Variants in SGTB observed in about 807,000 individuals in gnomAD.
The protein encoded by SGTB is small glutamine rich tetratricopeptide repeat co-chaperone beta, also known as small glutamine-rich tetratricopeptide repeat-containing protein beta.
Under a neutral mutation model 43.9 loss-of-function variants are expected in SGTB, and 19 were observed. The observed-to-expected ratio is 0.43, with a 90% CI of 0.30 to 0.63. The LOEUF is 0.63. Among genes scored for constraint, SGTB ranks in the 30% least tolerant of loss-of-function variants. The pLI, the probability that SGTB is intolerant of heterozygous loss-of-function variation, is 0.12. For synonymous variants in SGTB, 116 were observed against 117.3 expected, an observed-to-expected ratio of 0.99 and a Z score of 0.07; for missense variants, 304 against 358.9, an observed-to-expected ratio of 0.85 and a Z score of 1.24.
rs985694690 is a variant in SGTB, at chr5:65,672,033, T to C, written c.720-35A>G. The C allele has an allele frequency of 2.5e-6, 4 of 1,607,594 alleles. No individual in the cohort carries two copies. The African/African-American group carries it at 4.0e-5, about 16-fold the overall frequency. Reference sequence around the variant, plus strand: ...ACAAGAAATACATCACTGGGATTGGTATATATTCTTAACAAATAGGACAAC... The same window carrying C: ...ACAAGAAATACATCACTGGGATTGGCATATATTCTTAACAAATAGGACAAC... On this transcript the variant is annotated intron_variant, in intron 9 of 10. Coordinates refer to ENST00000381007, the MANE Select transcript of SGTB (RefSeq NM_019072.3).
At chr5:65,680,586 C>A in intron 7 of SGTB, 30 bp from the exon 8 acceptor site, 1 of 1,613,928 alleles carries the variant, frequency 6.2e-7, no homozygotes, top group South Asian at 1.1e-5. Flanking sequence ...GAGAATCAGT[C>A]CAGTATCTAC....
intron 6 of SGTB, among the ~76,000 whole-genome samples, chr5:65,684,474 T>C (rs564696745): frequency 1.9e-4 from 29 of 152,252 alleles, no homozygotes; most frequent in African/African-American, 6.5e-4. Context: ...TGAAGGGGAT[T>C]GTAATAGTTG....
upstream of SGTB, chr5:65,722,523 C>T (rs956477981): frequency 1.0e-4 from 105 of 1,019,816 alleles, no homozygotes; most frequent in Non-Finnish European, 1.3e-4. Flanking sequence ...CTCCGACGCT[C>T]CCGGGACGCA....
chr5:65,721,015 T>G (rs1454877550), intron 1 of SGTB, among the ~76,000 whole-genome samples, 186 bp from the exon 2 acceptor site: 1 of 152,242 alleles, frequency 6.6e-6, no homozygotes, highest in African/African-American at 2.4e-5. Flanking sequence ...GTGAAGGTAA[T>G]TTATTACATA....
chr5:65,678,830 T>C (rs1425263178), intron 8 of SGTB, among the ~76,000 whole-genome samples: 40 of 152,150 alleles, frequency 2.6e-4, no homozygotes, highest in Admixed American at 2.6e-3. Flanking sequence ...ATACCATATA[T>C]ATACAAAAAT....
intron 8 of SGTB, among the ~76,000 whole-genome samples, chr5:65,679,473 C>G (rs1014573428): frequency 6.6e-6 from 1 of 152,074 alleles, no homozygotes; most frequent in Non-Finnish European, 1.5e-5. Context: ...AATAATTAGC[C>G]AGGCATGGTT....
intron 3 of SGTB, 23 bp from the exon 4 acceptor site, chr5:65,708,581 G>A: frequency 6.3e-7 from 1 of 1,592,540 alleles, no homozygotes; most frequent in South Asian, 1.1e-5. Context: ...AAAAATCAAT[G>A]CACTTCCCTT....
chr5:65,716,054 G>A lies in SGTB; in HGVS notation c.101-2990C>T, dbSNP rs141452189. Reference sequence around the variant, plus strand: ...CGAAGTACTGGGATTACAGGTGTGAGCCACCGCACCCGGCCCACAGCTGCA... The same window carrying A: ...CGAAGTACTGGGATTACAGGTGTGAACCACCGCACCCGGCCCACAGCTGCA... On this transcript the variant is annotated intron_variant, in intron 2 of 10. Transcript: ENST00000381007. 9.3e-3 allele frequency among the ~76,000 whole-genome samples: 1,418 copies of A among 152,344 alleles called. 32 individuals carry two copies. Among genetic ancestry groups the A allele is most frequent in the African/African-American group, 0.031 (1,284 of 41,572 alleles).
chr5:65,676,055 A>G (rs1210344339), intron 8 of SGTB, among the ~76,000 whole-genome samples: 1 of 152,210 alleles, frequency 6.6e-6, no homozygotes, highest in Non-Finnish European at 1.5e-5. Context: ...AACCAGATAA[A>G]AAAACAAGAC....
chr5:65,672,414 C>A, intron 8 of SGTB, 133 bp from the exon 9 acceptor site: 2 of 1,077,502 alleles, frequency 1.9e-6, no homozygotes, highest in South Asian at 1.4e-5. Flanking sequence ...GTGTGCTATG[C>A]AAAGTAAAGG....
chr5:65,668,835 G>C lies in SGTB; in HGVS notation c.*1411C>G, dbSNP rs1431362820. ...AGGCTCGAGAATCACTTGAATCCAG[G>C]AGGTGGAGGTTGCAGTGAGCTGACA... On this transcript the variant is annotated 3_prime_UTR_variant, in exon 11 of 11. Coordinates refer to ENST00000381007, the MANE Select transcript of SGTB (RefSeq NM_019072.3). The C allele has an allele frequency of 6.6e-6, 1 of 152,040 alleles. No homozygotes were observed. Among genetic ancestry groups the C allele is most frequent in the Non-Finnish European group, 1.5e-5 (1 of 68,028 alleles). The allele number at this position is 152,040 out of a possible 1,614,324, so 9.4% of individuals were successfully genotyped here.
At position 65,671,958 on chromosome 5, in the gene SGTB, C is replaced by G. The variant is rs1266752520; in HGVS notation, c.760G>C (p.Ala254Pro). 2 of 1,613,924 alleles carry G rather than the reference C, an allele frequency of 1.2e-6. No homozygotes were observed. Among genetic ancestry groups the G allele is most frequent in the Non-Finnish European group, 1.7e-6 (2 of 1,179,978 alleles). ...MMTNAIGGPA[A>P]GVGGLTDLSS... ...AGGTCAGTTAGGCCCCCAACTCCAG[C>G]AGCAGGTCCCCCAATGGCATTTGTC... The change falls in exon 10 of 11, where the codon GCT becomes CCT. Residue 254 changes from alanine (A) to proline (P), a missense_variant. Physicochemically the swap from Ala to Pro is conservative, Grantham distance 27. Transcript: ENST00000381007.
chr5:65,680,923 T>C, intron 6 of SGTB, 129 bp from the exon 7 acceptor site: 2 of 1,058,502 alleles, frequency 1.9e-6, no homozygotes, highest in Non-Finnish European at 2.6e-6. Flanking sequence ...TTATTCACTG[T>C]ACTATGGCTC....
chr5:65,674,164 T>C (rs1757217730), intron 8 of SGTB, among the ~76,000 whole-genome samples: 1 of 151,986 alleles, frequency 6.6e-6, no homozygotes, highest in African/African-American at 2.4e-5. Context: ...GGTTCTCTTA[T>C]GGGGTACTTT....
chr5:65,722,765 A>G (rs1440438619), upstream of SGTB: 1 of 265,108 alleles, frequency 3.8e-6, no homozygotes, highest in Non-Finnish European at 7.2e-6. Context: ...ACCTGTCATT[A>G]AAAGTGCCGC....
chr5:65,722,700 C>T, upstream of SGTB: 1 of 464,462 alleles, frequency 2.2e-6, no homozygotes, highest in Admixed American at 4.3e-5. Context: ...AAAATGAATG[C>T]AAATAGTTTG....
At chr5:65,709,283 G>C (rs939374246) in intron 3 of SGTB, among the ~76,000 whole-genome samples, 1 of 151,466 alleles carries the variant, frequency 6.6e-6, no homozygotes. Context: ...TTTATAATAT[G>C]ATATTATATA....
At chr5:65,679,629 A>AAAC (rs763946726) in intron 8 of SGTB, among the ~76,000 whole-genome samples, 3 of 152,078 alleles carry the variant, frequency 2.0e-5, no homozygotes, top group Non-Finnish European at 2.9e-5. Context: ...AAAAACAAAC[A>AAAC]AACAACAACA....
upstream of SGTB, chr5:65,722,174 G>A: frequency 3.9e-6 from 1 of 257,552 alleles, no homozygotes. Context: ...CACGCGAGCT[G>A]GGGCGGGGCA....
Sources: gnomAD v4.1 joint callset for allele counts (sites outside exome capture counted in the v4.1 genomes callset) on GRCh38, gnomAD v4.1.1 for gene constraint, MANE v1.5 for transcripts, NCBI Gene and HGNC (gene_info 2026-07-23, HGNC 2026-07-21) for gene names.